Variants in ADGRG6 observed in about 807,000 individuals in gnomAD.
The protein encoded by ADGRG6 is adhesion G protein-coupled receptor G6.
ADGRG6 carries 84 observed loss-of-function variants against 142.4 expected under a neutral mutation model. The ratio of observed to expected loss-of-function variants is 0.59; its 90% CI spans 0.49 to 0.71. The LOEUF (loss-of-function observed/expected upper bound fraction) is 0.71. ADGRG6 is among the 30% of genes least tolerant of loss of function. The pLI is 0.00. For missense variants in ADGRG6, 1,367 were observed against 1,466.6 expected, an observed-to-expected ratio of 0.93 and a Z score of 1.11; for synonymous variants, 521 against 520.5, an observed-to-expected ratio of 1.00 and a Z score of -0.01.
intron 3 of ADGRG6, 112 bp downstream of exon 3, chr6:142,368,022 G>A (rs1781038694): frequency 3.1e-6 from 2 of 643,758 alleles, no homozygotes; most frequent in Non-Finnish European, 5.4e-6. Flanking sequence ...TGAATGATTA[G>A]GATTGGGATA....
At chr6:142,371,567 G>A (rs1781262486) in intron 4 of ADGRG6, among the ~76,000 whole-genome samples, 1 of 148,060 alleles carries the variant, frequency 6.8e-6, no homozygotes, top group Non-Finnish European at 1.5e-5. Flanking sequence ...CTCACTGCAA[G>A]CTCTGCCTCC....
intron 2 of ADGRG6, among the ~76,000 whole-genome samples, chr6:142,352,838 T>C (rs1780256195): frequency 1.3e-5 from 2 of 152,122 alleles, no homozygotes; most frequent in African/African-American, 4.8e-5. Context: ...TTCTTATGAA[T>C]TTGTAGTACT....
chr6:142,346,654 A>G (rs989403436), intron 2 of ADGRG6, among the ~76,000 whole-genome samples: 2 of 152,210 alleles, frequency 1.3e-5, no homozygotes, highest in African/African-American at 2.4e-5. Flanking sequence ...GAATGGATAA[A>G]GGAAACATGG....
chr6:142,435,025 G>A (rs764814031), intron 22 of ADGRG6, among the ~76,000 whole-genome samples: 1 of 152,074 alleles, frequency 6.6e-6, no homozygotes, highest in Non-Finnish European at 1.5e-5. Flanking sequence ...AGAGAGTACT[G>A]TTAAGACTTT....
At position 142,342,081 on chromosome 6, in the gene ADGRG6, C is replaced by T. The variant is rs760813632; in HGVS notation, c.104-25488C>T. 1.7e-3 allele frequency among the ~76,000 whole-genome samples: 263 copies of T among 152,032 alleles called. 4 individuals are homozygous for T. The highest frequency in any genetic ancestry group is 8.5e-4 in the Non-Finnish European group (58 of 67,974). On this transcript the variant is annotated intron_variant, in intron 2 of 24. Transcript: ENST00000367609. ...GTTTCAGCATTAGCAACTGAACTGG[C>T]TAGAAGAGCCTGCTGCTGCAAGGAT...
intron 2 of ADGRG6, among the ~76,000 whole-genome samples, chr6:142,322,070 T>C (rs1263669750): frequency 6.6e-6 from 1 of 152,146 alleles, no homozygotes; most frequent in African/African-American, 2.4e-5. Context: ...GTATTAGTTA[T>C]GTTTATTCAG....
chr6:142,392,813 CTG>C, intron 7 of ADGRG6, 133 bp from the exon 8 acceptor site: 2 of 630,870 alleles, frequency 3.2e-6, no homozygotes, highest in Non-Finnish European at 5.7e-6. Flanking sequence ...GATCCATTAA[CTG>C]TTCACTCCTC....
At chr6:142,343,852 A>C (rs564842497) in intron 2 of ADGRG6, among the ~76,000 whole-genome samples, 4 of 152,056 alleles carry the variant, frequency 2.6e-5, no homozygotes, top group Admixed American at 2.6e-4. Context: ...AAAAGTGGGC[A>C]TTCCTCAATT....
Position 142,438,231 on chromosome 6 carries a change from C to G in ADGRG6, c.3441C>G (p.Thr1147=). ...ADNSDWSKTA[T]NIIKKSSDNL... Reference sequence around the variant, plus strand: ...TTTCAGATTGGAGTAAGACAGCTACCAATATCATCAAGAAAAGTTCTGATA... The same window carrying G: ...TTTCAGATTGGAGTAAGACAGCTACGAATATCATCAAGAAAAGTTCTGATA... The change falls in exon 24 of 25, where the codon ACC becomes ACG. Residue 1147 remains threonine (T), a synonymous_variant. Transcript: ENST00000367609. 6.3e-7 allele frequency: 1 copy of G among 1,599,584 alleles called. No homozygotes were observed. The highest frequency in any genetic ancestry group is 8.5e-7 in the Non-Finnish European group (1 of 1,172,298).
At chr6:142,396,679 C>T (rs774285718) in intron 9 of ADGRG6, among the ~76,000 whole-genome samples, 1 of 152,088 alleles carries the variant, frequency 6.6e-6, no homozygotes, top group African/African-American at 2.4e-5. Flanking sequence ...AATAATATAA[C>T]GTCTTATCTT....
chr6:142,323,706 C>A (rs1264062243), intron 2 of ADGRG6, among the ~76,000 whole-genome samples: 1 of 152,044 alleles, frequency 6.6e-6, no homozygotes, highest in Non-Finnish European at 1.5e-5. Context: ...GGCTATAAAC[C>A]TGTTTAACAG....
chr6:142,404,239 C>T, intron 14 of ADGRG6: 2 of 410,144 alleles, frequency 4.9e-6, no homozygotes, highest in Non-Finnish European at 8.7e-6. Context: ...GGCCACCATA[C>T]TTGGGGTGAG....
At chr6:142,323,561 T>C (rs544933092) in intron 2 of ADGRG6, among the ~76,000 whole-genome samples, 5 of 152,270 alleles carry the variant, frequency 3.3e-5, no homozygotes, top group African/African-American at 1.2e-4. Context: ...TAGTCATGCA[T>C]TGCTTAACGA....
intron 1 of ADGRG6, among the ~76,000 whole-genome samples, chr6:142,307,528 T>G (rs1363353852): frequency 6.6e-6 from 1 of 152,042 alleles, no homozygotes; most frequent in African/African-American, 2.4e-5. Flanking sequence ...ACCTACCGTT[T>G]TAAAAGCCCC....
At chr6:142,427,709 G>T (rs1308757205) in intron 22 of ADGRG6, among the ~76,000 whole-genome samples, 1 of 152,134 alleles carries the variant, frequency 6.6e-6, no homozygotes, top group Non-Finnish European at 1.5e-5. Context: ...AGGTTTAATT[G>T]CACTTACAGT....
intron 2 of ADGRG6, 91 bp from the exon 3 acceptor site, chr6:142,367,478 G>T: frequency 2.6e-6 from 2 of 758,866 alleles, no homozygotes; most frequent in East Asian, 5.4e-5. Context: ...AATATTTACT[G>T]CTTGATTGTC....
At chr6:142,429,471 C>T (rs1418989258) in intron 22 of ADGRG6, among the ~76,000 whole-genome samples, 1 of 152,096 alleles carries the variant, frequency 6.6e-6, no homozygotes, top group African/African-American at 2.4e-5. Flanking sequence ...CATTTTGTGC[C>T]ACAGAGAAAT....
chr6:142,443,379 C>A lies in ADGRG6; in HGVS notation c.3617C>A (p.Ala1206Asp). 6.2e-7 allele frequency: 1 copy of A among 1,612,490 alleles called. No homozygotes were observed. Among genetic ancestry groups the A allele is most frequent in the Non-Finnish European group, 8.5e-7 (1 of 1,178,816 alleles). The change falls in exon 25 of 25, where the codon GCT becomes GAT. Residue 1206 changes from alanine to aspartate, a missense_variant. Coordinates refer to ENST00000367609, the MANE Select transcript of ADGRG6 (RefSeq NM_198569.3). Reference protein sequence around the residue: ...MDKSLSKLAHADGDQTSIIPV... With the variant: ...MDKSLSKLAHDDGDQTSIIPV... ...AAGTCCTTGTCAAAACTGGCCCATG[C>A]TGATGGAGATCAAACATCAATCATC...
At chr6:142,360,227 T>C (rs796105725) in intron 2 of ADGRG6, among the ~76,000 whole-genome samples, 1 of 152,156 alleles carries the variant, frequency 6.6e-6, no homozygotes, top group South Asian at 2.1e-4. Context: ...GGAATGATGT[T>C]TGGACTGATG....
Sources: gnomAD v4.1 joint callset for allele counts (sites outside exome capture counted in the v4.1 genomes callset) on GRCh38, gnomAD v4.1.1 for gene constraint, MANE v1.5 for transcripts, NCBI Gene and HGNC (gene_info 2026-07-23, HGNC 2026-07-21) for gene names.